NDUFA11: variants seen among roughly 807,000 people sequenced by gnomAD.
The protein encoded by NDUFA11 is NADH dehydrogenase [ubiquinone] 1 alpha subcomplex subunit 11.
Under a neutral mutation model 11.3 loss-of-function variants are expected in NDUFA11, and 14 were observed. The ratio of observed to expected loss-of-function variants is 1.24; its 90% CI spans 0.82 to 1.94. The LOEUF (loss-of-function observed/expected upper bound fraction) is 1.94, where lower values mean the gene tolerates loss of function less well. Ranked by LOEUF, NDUFA11 falls within the 30% of genes most tolerant of loss-of-function variation. The pLI is 0.00. For missense variants in NDUFA11, 204 were observed against 200.3 expected (o/e 1.02, Z -0.11); for synonymous variants, 87 against 85.6 (o/e 1.02, Z -0.09).
intron 1 of NDUFA11, among the ~76,000 whole-genome samples, chr19:5,897,764 G>A (rs2057620001): frequency 6.6e-6 from 1 of 152,226 alleles, no homozygotes; most frequent in Non-Finnish European, 1.5e-5. Flanking sequence ...GGTAGGTGGT[G>A]GGGACGGAGG....
Position 5,903,743 on chromosome 19 carries a change from C to T in NDUFA11, c.-35G>A. On this transcript the variant is annotated 5_prime_UTR_variant, in exon 1 of 4. Coordinates refer to ENST00000308961, the MANE Select transcript of NDUFA11 (RefSeq NM_175614.5). ...TCTCGATCCCGCACCACGGACCCCG[C>T]CAGCTCGGGAAGCGCAAGGGCAGCC... is the stretch of plus-strand genomic sequence containing the variant. 1 of 1,548,086 alleles carries T rather than the reference C, an allele frequency of 6.5e-7. No homozygotes were observed. Among genetic ancestry groups the T allele is most frequent in the Non-Finnish European group, 8.7e-7 (1 of 1,144,126 alleles).
downstream of NDUFA11, among the ~76,000 whole-genome samples, chr19:5,894,353 C>T (rs1242099556): frequency 1.3e-5 from 2 of 152,204 alleles, no homozygotes; most frequent in African/African-American, 4.8e-5. Context: ...CCAGAGCCCA[C>T]AGCGCTGAGG....
Position 5,895,063 on chromosome 19 carries a change from C to T in NDUFA11, c.314-209G>A, listed in dbSNP as rs543693952. On this transcript the variant is annotated intron_variant, in intron 3 of 3. Transcript: ENST00000308961. ...GGGAGGCCGGAGTCCAGGTTGCTTC[C>T]CAGCAGGAACCCAGGCTGTGGGTCC... 2.1e-4 allele frequency: 129 copies of T among 602,862 alleles called. No homozygotes were observed. In the African/African-American group the frequency reaches 2.2e-3, roughly 10 times the overall value. 37.3% of individuals were successfully genotyped at this position (602,862 alleles called of 1,614,324 possible). A position where few individuals can be genotyped will look rare whatever the true frequency, so the allele number is the denominator to read the frequency against.
chr19:5,893,720 G>A (rs954745263), downstream of NDUFA11, among the ~76,000 whole-genome samples: 3 of 152,200 alleles, frequency 2.0e-5, no homozygotes, highest in East Asian at 1.9e-4. This position sits in a 1 kb window ranked among gnomAD's most constrained non-coding sequence, Gnocchi z 4.1. Flanking sequence ...GTTACTACTC[G>A]GGGGTGGACA....
downstream of NDUFA11, chr19:5,892,287 C>G (rs1421105758): frequency 6.5e-6 from 1 of 153,352 alleles, no homozygotes; most frequent in Non-Finnish European, 1.5e-5. Context: ...CTCCACTACC[C>G]AGGGTGGGCC....
chr19:5,899,244 G>T (rs1374059252), intron 1 of NDUFA11, among the ~76,000 whole-genome samples: 1 of 151,266 alleles, frequency 6.6e-6, no homozygotes, highest in Non-Finnish European at 1.5e-5. Context: ...CCGCCTCCTG[G>T]GTTCACACCA....
rs780379280 is a variant in NDUFA11 at position 5,896,521 on chromosome 19, T to C, written c.245A>G (p.Glu82Gly). Residue 82 changes from glutamate (E) to glycine (G), a missense_variant, in exon 3 of 4, where the codon GAG becomes GGG. Physicochemically the swap from Glu to Gly is moderately conservative, Grantham distance 98. Transcript: ENST00000308961. The surrounding 1 kb of genome is among the most constrained non-coding windows in gnomAD (Gnocchi z 5.8). The stretch of plus-strand genomic sequence containing the variant: ...GTAGTTCAGGGGGTCGTCGGGCTTC[T>C]CGCGGACATGGGCGCTGATGCAGGT... ...LTTCISAHVR[E>G]KPDDPLNYFL... The C allele has an allele frequency of 2.0e-5, 31 of 1,570,718 alleles. No individual in the cohort carries two copies. In the Middle Eastern group the frequency reaches 2.5e-3, roughly 125 times the overall value.
In NDUFA11 at chr19:5,894,747, C is replaced by A. The variant is rs202197257; in HGVS notation, c.421G>T (p.Val141Leu). 8 of 1,612,968 alleles carry A rather than the reference C, an allele frequency of 5.0e-6. No homozygotes were observed. The highest frequency in any genetic ancestry group is 6.8e-6 in the Non-Finnish European group (8 of 1,179,652). ...EGWEVFAKPK[V>L] ...GGTCCCGGCAGGCACAGGGCTCACA[C>A]CTTGGGTTTTGCAAACACCTCCCAG... Residue 141 changes from valine to leucine, a missense_variant, in exon 4 of 4, where the codon GTG (valine) becomes TTG (leucine). Coordinates refer to ENST00000308961, the MANE Select transcript of NDUFA11 (RefSeq NM_175614.5).
intron 1 of NDUFA11, chr19:5,901,541 C>G: frequency 8.9e-7 from 1 of 1,129,068 alleles, no homozygotes; most frequent in African/African-American, 1.6e-5. Context: ...TGCCCTAATT[C>G]AAATGCCTCC....
At chr19:5,901,566 C>A (rs2057645531) in intron 1 of NDUFA11, 5 of 865,336 alleles carry the variant, frequency 5.8e-6, no homozygotes, top group East Asian at 6.6e-5. Flanking sequence ...GGAGCCGCAA[C>A]TTTGGCCGGG....
At chr19:5,897,068 T>TG (rs1038403109) in intron 1 of NDUFA11, 71 bp from the exon 2 acceptor site, 58 of 1,264,602 alleles carry the variant, frequency 4.6e-5, no homozygotes, top group Non-Finnish European at 4.6e-5. Context: ...GGCACCCCAC[T>TG]GGGTGGTCTC....
At chr19:5,891,797 T>G (rs1048123036), downstream of NDUFA11, 2 of 152,904 alleles carry the variant, frequency 1.3e-5, no homozygotes, top group Non-Finnish European at 2.9e-5. Flanking sequence ...CTGTGCCGCC[T>G]CCTCCTCTAG....
intron 1 of NDUFA11, chr19:5,901,557 G>C: frequency 1.0e-6 from 1 of 984,972 alleles, no homozygotes; most frequent in Non-Finnish European, 1.4e-6. Context: ...CCTCCCAATG[G>C]AGCCGCAACT....
At chr19:5,891,315 A>T (rs976866633), downstream of NDUFA11, 1 of 152,110 alleles carries the variant, frequency 6.6e-6, no homozygotes, top group African/African-American at 2.4e-5. Flanking sequence ...GCTGGAGTAC[A>T]GTGACATGAT....
At chr19:5,895,471 T>C (rs1351981883) in intron 3 of NDUFA11, 1 of 153,230 alleles carries the variant, frequency 6.5e-6, no homozygotes, top group African/African-American at 2.4e-5. Flanking sequence ...TCTGACCAGT[T>C]CCAGTGGGAG....
intron 3 of NDUFA11, 39 bp from the exon 4 acceptor site, chr19:5,894,893 C>T (rs930690069): frequency 3.2e-6 from 5 of 1,555,286 alleles, no homozygotes; most frequent in Non-Finnish European, 4.4e-6. Flanking sequence ...CCGGGTGGGG[C>T]TCGGCCGGAC....
chr19:5,901,480 G>A (rs2057645031), intron 1 of NDUFA11: 1 of 1,283,104 alleles, frequency 7.8e-7, no homozygotes, highest in African/African-American at 1.5e-5. Context: ...ACACAATAAC[G>A]TCTGTCTTAC....
chr19:5,896,969 T>C lies in NDUFA11; in HGVS notation c.126A>G (p.Thr42=). 1 of 1,614,052 alleles carries C rather than the reference T, an allele frequency of 6.2e-7. No homozygotes were observed. Among genetic ancestry groups the C allele is most frequent in the Non-Finnish European group, 8.5e-7 (1 of 1,180,016 alleles). Residue 42 remains threonine (T), a synonymous_variant, in exon 2 of 4, where the codon ACA becomes ACG. Coordinates refer to ENST00000308961, the MANE Select transcript of NDUFA11 (RefSeq NM_175614.5). This position sits in a 1 kb window ranked among gnomAD's most constrained non-coding sequence, Gnocchi z 5.8. ...CAAGGAAGGTGCCCGGAGGATTGAG[T>C]GTGACTCTGTAGGCAGCGGCGGTCA... ...AGLTAAAYRV[T]LNPPGTFLEG...
rs73920083 is a variant in NDUFA11, at chr19:5,896,748, A to T, written c.190+157T>A. ...GTTCTCCTGGGCCTCCCCACCCTAC[A>T]TGTATTCCTGATAAAGGAACACCCC... is the stretch of plus-strand genomic sequence containing the variant. On this transcript the variant is annotated intron_variant, in intron 2 of 3. Transcript: ENST00000308961. The surrounding 1 kb of genome is among the most constrained non-coding windows in gnomAD (Gnocchi z 5.8). 3 of 1,193,294 alleles carry T rather than the reference A, an allele frequency of 2.5e-6. No individual in the cohort carries two copies. Among genetic ancestry groups the T allele is most frequent in the African/African-American group, 1.5e-5 (1 of 66,692 alleles). 73.9% of individuals were successfully genotyped at this position (1,193,294 alleles called of 1,614,324 possible).
Sources: gnomAD v4.1 joint callset for allele counts (sites outside exome capture counted in the v4.1 genomes callset) on GRCh38, gnomAD v4.1.1 for gene constraint, Gnocchi (gnomAD v3.1) non-coding constraint, MANE v1.5 for transcripts, NCBI Gene and HGNC (gene_info 2026-07-23, HGNC 2026-07-21) for gene names.